Variants in OR1J2 observed in about 807,000 individuals in gnomAD.
The protein encoded by OR1J2 is olfactory receptor 1J2.
For synonymous variants in OR1J2, 142 were observed against 99.7 expected (o/e 1.42, Z -2.52); for missense variants, 304 against 246.1 (o/e 1.24, Z -1.57).
chr9:122,500,161 C>T, the OR1J2 span, among the ~76,000 whole-genome samples: 1 of 152,188 alleles, frequency 6.6e-6, no homozygotes, highest in South Asian at 2.1e-4. Context: ...AAAATGGCAT[C>T]CTGCTGTCAG....
the OR1J2 span, among the ~76,000 whole-genome samples, chr9:122,476,408 T>G: frequency 6.6e-6 from 1 of 152,342 alleles, no homozygotes; most frequent in South Asian, 2.1e-4. Flanking sequence ...CCCTGATGGC[T>G]TCCTTTTCAT....
the OR1J2 span, among the ~76,000 whole-genome samples, chr9:122,486,762 G>A: frequency 6.6e-6 from 1 of 152,158 alleles, no homozygotes; most frequent in Non-Finnish European, 1.5e-5. Context: ...GAAAATGATG[G>A]GGAGGTCATT....
chr9:122,467,252 A>T, the OR1J2 span, among the ~76,000 whole-genome samples: 1 of 152,182 alleles, frequency 6.6e-6, no homozygotes, highest in Non-Finnish European at 1.5e-5. Flanking sequence ...CCAAAAAGCC[A>T]CTGACTACTT....
At chr9:122,457,411 AACT>A in the OR1J2 span, among the ~76,000 whole-genome samples, 1 of 152,150 alleles carries the variant, frequency 6.6e-6, no homozygotes, top group Non-Finnish European at 1.5e-5. Context: ...TAATCAAAGA[AACT>A]ACTACTACCG....
chr9:122,528,783 A>G, the OR1J2 span, among the ~76,000 whole-genome samples: 1 of 152,190 alleles, frequency 6.6e-6, no homozygotes, highest in Non-Finnish European at 1.5e-5. Flanking sequence ...GATTCAGATA[A>G]ATAAGCTAAA....
chr9:122,498,781 T>G, the OR1J2 span, among the ~76,000 whole-genome samples: 1 of 152,212 alleles, frequency 6.6e-6, no homozygotes, highest in Non-Finnish European at 1.5e-5. Context: ...TGATTATTTT[T>G]GTGCAGATAG....
At chr9:122,477,155 G>A in the OR1J2 span, 7 of 1,614,200 alleles carry the variant, frequency 4.3e-6, no homozygotes, top group Non-Finnish European at 5.9e-6. Flanking sequence ...AGAAAATAGA[G>A]ACCAATAATT....
chr9:122,570,734 AT>A, the OR1J2 span, among the ~76,000 whole-genome samples: 1 of 152,192 alleles, frequency 6.6e-6, no homozygotes, highest in Non-Finnish European at 1.5e-5. Context: ...TGTCTCTCAG[AT>A]TAATTTTATA....
At chr9:122,553,482 CAG>C in the OR1J2 span, 1 of 1,613,996 alleles carries the variant, frequency 6.2e-7, no homozygotes, top group East Asian at 2.2e-5. Flanking sequence ...CATTCATACC[CAG>C]AGTCAGATCA....
At chr9:122,496,224 G>T in the OR1J2 span, among the ~76,000 whole-genome samples, 2 of 152,144 alleles carry the variant, frequency 1.3e-5, no homozygotes, top group Admixed American at 1.3e-4. Context: ...TGGGGAGGAT[G>T]CAAACTTGCC....
At chr9:122,572,120 G>A in the OR1J2 span, among the ~76,000 whole-genome samples, 1 of 152,156 alleles carries the variant, frequency 6.6e-6, no homozygotes, top group African/African-American at 2.4e-5. Flanking sequence ...AGTAGATCTT[G>A]TGAAAACTCA....
the OR1J2 span, among the ~76,000 whole-genome samples, chr9:122,488,362 C>A: frequency 1.3e-5 from 2 of 152,214 alleles, no homozygotes; most frequent in African/African-American, 4.8e-5. Flanking sequence ...TGGTCTCAAA[C>A]TCCTGAGCTC....
chr9:122,460,974 C>T, the OR1J2 span, among the ~76,000 whole-genome samples: 2 of 152,128 alleles, frequency 1.3e-5, no homozygotes, highest in African/African-American at 4.8e-5. Flanking sequence ...CATCCTGAAA[C>T]TTTGCTAAAT....
chr9:122,447,474 C>G, the OR1J2 span: 1 of 152,250 alleles, frequency 6.6e-6, no homozygotes, highest in African/African-American at 2.4e-5. Flanking sequence ...TGGAGCACCT[C>G]TGTCTTTTGG....
At chr9:122,546,772 CA>C in the OR1J2 span, among the ~76,000 whole-genome samples, 1 of 151,980 alleles carries the variant, frequency 6.6e-6, no homozygotes, top group Non-Finnish European at 1.5e-5. Flanking sequence ...AAGAATAACG[CA>C]AAGCAAAATA....
chr9:122,473,969 A>G, the OR1J2 span, among the ~76,000 whole-genome samples: 1 of 152,178 alleles, frequency 6.6e-6, no homozygotes, highest in Non-Finnish European at 1.5e-5. Flanking sequence ...TATCTGTGCG[A>G]TTGCTAATAC....
At chr9:122,520,680 C>T in the OR1J2 span, among the ~76,000 whole-genome samples, 11 of 152,322 alleles carry the variant, frequency 7.2e-5, no homozygotes, top group East Asian at 7.7e-4. Context: ...GCTTCAATCA[C>T]GCCGCAGACT....
the OR1J2 span, among the ~76,000 whole-genome samples, chr9:122,563,871 C>T: frequency 6.6e-6 from 1 of 151,836 alleles, no homozygotes; most frequent in African/African-American, 2.4e-5. Flanking sequence ...AGAAACTGTG[C>T]TTTTCCCAAT....
the OR1J2 span, among the ~76,000 whole-genome samples, chr9:122,501,118 A>ATTTTGCTG: frequency 2.6e-3 from 398 of 152,312 alleles, no homozygotes; most frequent in Admixed American, 8.7e-3. Context: ...TAAAAGCTAT[A>ATTTTGCTG]TTTTGCTGTT....
Sources: allele counts gnomAD v4.1 joint callset (sites outside exome capture counted in the v4.1 genomes callset), GRCh38; gene constraint gnomAD v4.1.1; transcripts MANE v1.5; gene names NCBI Gene and HGNC (gene_info 2026-07-23, HGNC 2026-07-21).